Variants in CPE observed in about 807,000 individuals in gnomAD.
CPE encodes the protein carbocypeptidase E.
CPE carries 17 observed loss-of-function variants against 53.5 expected under a neutral mutation model. The observed-to-expected ratio is 0.32, with a 90% CI of 0.22 to 0.48. CPE has a LOEUF of 0.48. CPE is among the 20% of genes least tolerant of loss of function. CPE has a pLI of 0.99. For synonymous variants in CPE, 226 were observed against 228.8 expected, an observed-to-expected ratio of 0.99 and a Z score of 0.11; for missense variants, 524 against 614.7, an observed-to-expected ratio of 0.85 and a Z score of 1.56.
At chr4:165,489,569 A>C (rs1560897437) in intron 6 of CPE, among the ~76,000 whole-genome samples, 1 of 152,226 alleles carries the variant, frequency 6.6e-6, no homozygotes, top group Non-Finnish European at 1.5e-5. Context: ...GGGAGTTTGG[A>C]AAAGGCTTCT....
At chr4:165,400,029 G>A (rs991691546) in intron 1 of CPE, among the ~76,000 whole-genome samples, 1 of 152,154 alleles carries the variant, frequency 6.6e-6, no homozygotes, top group Non-Finnish European at 1.5e-5. Context: ...GTAGGTCTTT[G>A]GCCATATCAT....
intron 3 of CPE, among the ~76,000 whole-genome samples, chr4:165,468,332 C>G (rs545392658): frequency 6.6e-6 from 1 of 152,068 alleles, no homozygotes; most frequent in Non-Finnish European, 1.5e-5. Flanking sequence ...CATCTGATAC[C>G]GTTATTTGCT....
chr4:165,473,163 A>C (rs1732238481), intron 3 of CPE, among the ~76,000 whole-genome samples: 1 of 152,206 alleles, frequency 6.6e-6, no homozygotes, highest in African/African-American at 2.4e-5. Context: ...TCTTTCACAG[A>C]TCTTTTCACA....
intron 1 of CPE, among the ~76,000 whole-genome samples, chr4:165,407,758 G>A (rs1217751629): frequency 6.6e-6 from 1 of 151,954 alleles, no homozygotes; most frequent in African/African-American, 2.4e-5. Context: ...GTTTTGCCAT[G>A]TTGGCCAGGC....
At chr4:165,471,986 A>G (rs111542885) in intron 3 of CPE, among the ~76,000 whole-genome samples, 22,177 of 152,242 alleles carry the variant, frequency 0.15, 1,972 homozygotes, top group East Asian at 0.24. Flanking sequence ...ATACCCACAA[A>G]TAGTTTCCAA....
At chr4:165,426,679 A>G (rs1731324622) in intron 1 of CPE, among the ~76,000 whole-genome samples, 1 of 152,244 alleles carries the variant, frequency 6.6e-6, no homozygotes, top group Non-Finnish European at 1.5e-5. Context: ...GATTAAAGAA[A>G]TACACATGCA....
Position 165,482,242 on chromosome 4 carries a change from C to G in CPE, c.673C>G (p.Leu225Val), listed in dbSNP as rs1377148002. 6.3e-7 allele frequency: 1 copy of G among 1,598,648 alleles called. No individual in the cohort carries two copies. Among genetic ancestry groups the G allele is most frequent in the Non-Finnish European group, 8.6e-7 (1 of 1,166,820 alleles). The change falls in exon 4 of 9, where the codon CTT (leucine) becomes GTT (valine). Residue 225 changes from leucine to valine, a missense_variant and splice_region_variant. Transcript: ENST00000402744. ...MKKIVDQNTK[L>V]APETKAVIHW... ...TCCTTTTAATCTCTCATCTGAACAGCTTGCTCCTGAGACCAAGGCTGTCAT... is the reference window on the plus strand; with the variant it reads ...TCCTTTTAATCTCTCATCTGAACAGGTTGCTCCTGAGACCAAGGCTGTCAT...
intron 1 of CPE, among the ~76,000 whole-genome samples, chr4:165,458,233 C>T (rs868090137): frequency 6.6e-6 from 1 of 152,142 alleles, no homozygotes; most frequent in African/African-American, 2.4e-5. Flanking sequence ...TATATAGCCA[C>T]TTGTTTGTCA....
At chr4:165,407,631 T>C (rs1730973540) in intron 1 of CPE, among the ~76,000 whole-genome samples, 1 of 151,774 alleles carries the variant, frequency 6.6e-6, no homozygotes, top group Non-Finnish European at 1.5e-5. Flanking sequence ...CACTGCAACC[T>C]CCACCTCCGA....
chr4:165,389,954 C>T (rs991803993), intron 1 of CPE, among the ~76,000 whole-genome samples: 9 of 152,248 alleles, frequency 5.9e-5, no homozygotes, highest in African/African-American at 2.2e-4. Flanking sequence ...TGGTGCAGGT[C>T]TATAGTAGGT....
chr4:165,381,196 A>G, intron 1 of CPE: 1 of 448,140 alleles, frequency 2.2e-6, no homozygotes, highest in Non-Finnish European at 4.5e-6. Flanking sequence ...AGAATGTGAT[A>G]TGCTTTAGAA....
chr4:165,488,020 A>G (rs1732538081), intron 6 of CPE, among the ~76,000 whole-genome samples: 1 of 152,166 alleles, frequency 6.6e-6, no homozygotes, highest in South Asian at 2.1e-4. Context: ...TTTGAGCTGT[A>G]CAAGCCTCAT....
chr4:165,493,270 G>C lies in CPE; in HGVS notation c.1213G>C (p.Ala405Pro). 1 of 1,610,766 alleles carries C rather than the reference G, an allele frequency of 6.2e-7. No homozygotes were observed. Among genetic ancestry groups the C allele is most frequent in the Non-Finnish European group, 8.5e-7 (1 of 1,177,092 alleles). Residue 405 changes from alanine to proline, a missense_variant and splice_region_variant, in exon 7 of 9, where the codon GCA (alanine) becomes CCA (proline). Physicochemically the swap from Ala to Pro is conservative, Grantham distance 27. Coordinates refer to ENST00000402744, the MANE Select transcript of CPE (RefSeq NM_001873.4). The part of the protein sequence containing the change: ...VEGIDHDVTS[A>P]KDGDYWRLLI... ...AGGAATAGACCACGATGTTACATCC[G>C]GTGGGTCTTTGCCACAATTGGAGGC...
chr4:165,470,815 G>A (rs951208833), intron 3 of CPE, among the ~76,000 whole-genome samples: 2 of 152,148 alleles, frequency 1.3e-5, no homozygotes, highest in African/African-American at 4.8e-5. Context: ...TAGAGGGGTG[G>A]TGGTGGTTGT....
At chr4:165,447,988 G>A (rs139198412) in intron 1 of CPE, among the ~76,000 whole-genome samples, 2 of 151,968 alleles carry the variant, frequency 1.3e-5, no homozygotes, top group Non-Finnish European at 2.9e-5. Flanking sequence ...TCATTATATG[G>A]CCTATGACTG....
chr4:165,433,586 G>T (rs1328410296), intron 1 of CPE, among the ~76,000 whole-genome samples: 2 of 152,146 alleles, frequency 1.3e-5, no homozygotes, highest in Admixed American at 6.5e-5. Flanking sequence ...CGGCCATACG[G>T]TCTCTGTCTG....
At chr4:165,427,973 T>C (rs144899456) in intron 1 of CPE, among the ~76,000 whole-genome samples, 271 of 152,322 alleles carry the variant, frequency 1.8e-3, no homozygotes, top group African/African-American at 5.9e-3. Context: ...TAAGTTCTAT[T>C]TCAGATTATG....
rs1732637482 is a variant in CPE, at chr4:165,493,191, A to G, written c.1134A>G (p.Gly378=). The part of the protein sequence containing the change: ...YLEQIHRGVK[G]FVRDLQGNPI... ...CACAGATACACCGAGGAGTTAAAGG[A>G]TTTGTCCGAGACCTTCAAGGTAACC... The change falls in exon 7 of 9, where the codon GGA becomes GGG. Residue 378 remains glycine (G), a synonymous_variant. Coordinates refer to ENST00000402744, the MANE Select transcript of CPE (RefSeq NM_001873.4). 6.2e-7 allele frequency: 1 copy of G among 1,613,856 alleles called. No individual in the cohort carries two copies. The highest frequency in any genetic ancestry group is 1.3e-5 in the African/African-American group (1 of 75,000).
chr4:165,453,976 A>AT (rs33941193), intron 1 of CPE, among the ~76,000 whole-genome samples: 49,399 of 151,040 alleles, frequency 0.33, 8,438 homozygotes, highest in Middle Eastern at 0.43. Flanking sequence ...AAAAGCTAGA[A>AT]TTTTTTTTTT....
Sources: gnomAD v4.1 joint callset for allele counts (sites outside exome capture counted in the v4.1 genomes callset) on GRCh38, gnomAD v4.1.1 for gene constraint, MANE v1.5 for transcripts, NCBI Gene and HGNC (gene_info 2026-07-23, HGNC 2026-07-21) for gene names.